CEP70: variants seen among roughly 807,000 people sequenced by gnomAD.
CEP70 encodes centrosomal protein of 70 kDa.
CEP70 carries 70 observed loss-of-function variants against 90.9 expected under a neutral mutation model. The observed-to-expected ratio is 0.77, with a 90% CI of 0.64 to 0.94. The LOEUF (loss-of-function observed/expected upper bound fraction) is 0.94, where lower values mean the gene tolerates loss of function less well. CEP70 is among the 40% of genes least tolerant of loss of function. The pLI is 0.00. For synonymous variants in CEP70, 220 were observed against 228.3 expected (o/e 0.96, Z 0.33); for missense variants, 648 against 669.0 (o/e 0.97, Z 0.35).
intron 17 of CEP70, chr3:138,496,307 T>C (rs2033953876): frequency 1.0e-6 from 1 of 985,246 alleles, no homozygotes; most frequent in Non-Finnish European, 1.2e-6. Context: ...TCTCCTACTA[T>C]TCATTTAGTT....
rs566809689 is a variant in CEP70, at chr3:138,523,462, A to T, written c.944+2028T>A. ...CCCTGTTTGCAGATGACATGATTGT[A>T]TATCTAGAAAACCCCATTGTCTCAG... On this transcript the variant is annotated intron_variant, in intron 11 of 17. Transcript: ENST00000264982. 2.0e-5 allele frequency among the ~76,000 whole-genome samples: 3 copies of T among 152,262 alleles called. No individual in the cohort carries two copies. In the East Asian group the frequency reaches 5.8e-4, roughly 29 times the overall value.
rs60410087 is a variant in CEP70, at chr3:138,497,763, T to C, written c.1732+268A>G. 662 of 985,184 alleles carry C rather than the reference T, an allele frequency of 6.7e-4. 3 individuals carry two copies. The African/African-American group carries it at 9.7e-3, about 14-fold the overall frequency. 61.0% of individuals were successfully genotyped at this position (985,184 alleles called of 1,614,324 possible). A position where few individuals can be genotyped will look rare whatever the true frequency, so the allele number is the denominator to read the frequency against. On this transcript the variant is annotated intron_variant, in intron 17 of 17. Coordinates refer to ENST00000264982, the MANE Select transcript of CEP70 (RefSeq NM_024491.4). ...TCATTAGACAATGACAGAGCCAGGG[T>C]TAAACTAGGCATGGACAGAATGATG...
At chr3:138,497,236 C>A (rs1161245639) in intron 17 of CEP70, 2 of 1,252,938 alleles carry the variant, frequency 1.6e-6, no homozygotes, top group Non-Finnish European at 1.0e-6. Flanking sequence ...TTAGATACTT[C>A]TTTCACTTAT....
chr3:138,586,132 G>A (rs180710645), intron 2 of CEP70, among the ~76,000 whole-genome samples: 6 of 152,250 alleles, frequency 3.9e-5, no homozygotes, highest in Admixed American at 1.3e-4. Flanking sequence ...CCCATCTGAC[G>A]AGGGTTAATA....
rs1673608 is a variant in CEP70 at position 138,570,321 on chromosome 3, T to C, written c.462A>G (p.Leu154=). ...CTAAGAATTCATAACTCAGTACCTG[T>C]AAAGTTTTCTGCTCCTTTTGAAGAT... ...IKDLQKEQKT[L]QVKCQHYKKK... is the part of the protein sequence containing the mutation. The change falls in exon 6 of 18, where the codon TTA becomes TTG. Residue 154 remains leucine (L), a synonymous_variant. Coordinates refer to ENST00000264982, the MANE Select transcript of CEP70 (RefSeq NM_024491.4). 813,676 of 1,563,310 alleles carry C rather than the reference T, an allele frequency of 0.52. 216,756 individuals are homozygous for C. Among genetic ancestry groups the C allele is most frequent in the Admixed American group, 0.68 (33,805 of 49,986 alleles).
intron 2 of CEP70, among the ~76,000 whole-genome samples, chr3:138,574,358 T>C (rs1370138431): frequency 2.0e-5 from 3 of 152,162 alleles, no homozygotes; most frequent in Non-Finnish European, 2.9e-5. Flanking sequence ...CAGTCCAAGA[T>C]TGAACTGCAA....
At chr3:138,501,252 T>C (rs2034486316) in intron 13 of CEP70, among the ~76,000 whole-genome samples, 2 of 152,284 alleles carry the variant, frequency 1.3e-5, no homozygotes, top group East Asian at 1.9e-4. Flanking sequence ...CCCTTGAATT[T>C]TGGTTTTGAA....
intron 2 of CEP70, among the ~76,000 whole-genome samples, chr3:138,589,119 T>A (rs960225295): frequency 1.3e-5 from 2 of 152,174 alleles, no homozygotes; most frequent in Non-Finnish European, 2.9e-5. Flanking sequence ...GATGGATATA[T>A]TGACAATCCT....
Position 138,567,396 on chromosome 3 carries a change from T to C in CEP70, c.465+2922A>G, listed in dbSNP as rs548977872. Among the ~76,000 whole-genome samples, 27 of 152,336 alleles carry C rather than the reference T, an allele frequency of 1.8e-4. No individual in the cohort carries two copies. In the South Asian group the frequency reaches 2.3e-3, roughly 13 times the overall value. ...AAAGATTGATTAGTATGGTGAAGAATAGAAGAAGCTGACACCTCAAAACAT... is the reference window on the plus strand; with the variant it reads ...AAAGATTGATTAGTATGGTGAAGAACAGAAGAAGCTGACACCTCAAAACAT... On this transcript the variant is annotated intron_variant, in intron 6 of 17. Transcript: ENST00000264982.
At chr3:138,536,418 A>G (rs1576706375) in intron 7 of CEP70, among the ~76,000 whole-genome samples, 1 of 152,098 alleles carries the variant, frequency 6.6e-6, no homozygotes. Context: ...TTGAAAAGAA[A>G]TTGAAACAAA....
intron 5 of CEP70, 45 bp downstream of exon 5, chr3:138,570,989 G>T: frequency 7.0e-7 from 1 of 1,434,388 alleles, no homozygotes; most frequent in East Asian, 2.5e-5. Flanking sequence ...GTTATTTTTA[G>T]AACGCATACA....
In CEP70 at chr3:138,495,790, T is replaced by G. The variant is rs138373310; in HGVS notation, c.1733-714A>C. On this transcript the variant is annotated intron_variant, in intron 17 of 17. Coordinates refer to ENST00000264982, the MANE Select transcript of CEP70 (RefSeq NM_024491.4). ...TTGCTTGAACCCCAGAGGCAGAGGT[T>G]GCAGTGAGCTGAGATTGCGTCACTG... 325 of 693,496 alleles carry G rather than the reference T, an allele frequency of 4.7e-4. 1 individual carries two copies. In the African/African-American group the frequency reaches 6.1e-3, roughly 13 times the overall value. 43.0% of individuals were successfully genotyped at this position (693,496 alleles called of 1,614,324 possible).
chr3:138,553,104 C>T (rs1001726848), intron 6 of CEP70, among the ~76,000 whole-genome samples: 2 of 151,992 alleles, frequency 1.3e-5, no homozygotes, highest in Non-Finnish European at 2.9e-5. Flanking sequence ...TAAAAAGACA[C>T]AACTCCTAGT....
At chr3:138,571,514 G>A (rs968123398) in intron 3 of CEP70, among the ~76,000 whole-genome samples, 158 bp from the exon 4 acceptor site, 1 of 152,060 alleles carries the variant, frequency 6.6e-6, no homozygotes, top group Non-Finnish European at 1.5e-5. Flanking sequence ...CACATTTATT[G>A]TTTCTAGCAA....
chr3:138,541,042 G>A (rs1260052002), intron 6 of CEP70, among the ~76,000 whole-genome samples: 1 of 152,156 alleles, frequency 6.6e-6, no homozygotes, highest in South Asian at 2.1e-4. Context: ...GCTAAATGAT[G>A]AGAACTTATG....
intron 11 of CEP70, among the ~76,000 whole-genome samples, chr3:138,515,123 T>G (rs996425957): frequency 4.6e-5 from 7 of 152,120 alleles, no homozygotes; most frequent in Non-Finnish European, 7.4e-5. Flanking sequence ...ATAAAATCAC[T>G]ATGAATGCTG....
chr3:138,510,267 A>G (rs2035400662), intron 11 of CEP70, among the ~76,000 whole-genome samples: 1 of 150,088 alleles, frequency 6.7e-6, no homozygotes, highest in African/African-American at 2.4e-5. Flanking sequence ...AAAAAAAAAG[A>G]AAAACAAATA....
At chr3:138,518,117 C>T (rs59336525) in intron 11 of CEP70, among the ~76,000 whole-genome samples, 7,301 of 152,226 alleles carry the variant, frequency 0.048, 563 homozygotes, top group African/African-American at 0.16. Flanking sequence ...AACTGCAAGG[C>T]GGCAGCGAGG....
intron 11 of CEP70, among the ~76,000 whole-genome samples, chr3:138,509,991 T>C (rs1326061961): frequency 6.6e-6 from 1 of 152,170 alleles, no homozygotes; most frequent in Non-Finnish European, 1.5e-5. Context: ...AGTGTGTCCT[T>C]TAAGTGAAAA....
Sources: gnomAD v4.1 joint callset for allele counts (sites outside exome capture counted in the v4.1 genomes callset) on GRCh38, gnomAD v4.1.1 for gene constraint, MANE v1.5 for transcripts, NCBI Gene and HGNC (gene_info 2026-07-23, HGNC 2026-07-21) for gene names.